HTR2C: variants seen among roughly 807,000 people sequenced by gnomAD.
The protein encoded by HTR2C is 5-hydroxytryptamine receptor 2C, also known as 5-hydroxytryptamine (serotonin) receptor 2C, G protein-coupled.
A neutral mutation model predicts 21.0 loss-of-function variants in HTR2C; 5 were observed. The ratio of observed to expected loss-of-function variants is 0.24; its 90% confidence interval spans 0.12 to 0.50. The LOEUF (loss-of-function observed/expected upper bound fraction) is 0.50, where lower values mean the gene tolerates loss of function less well. HTR2C is among the 20% of genes least tolerant of loss of function. The pLI, the probability that HTR2C is intolerant of heterozygous loss-of-function variation, is 0.98. For synonymous variants in HTR2C, 150 were observed against 145.3 expected (o/e 1.03, Z -0.23); for missense variants, 271 against 371.2 (o/e 0.73, Z 2.22).
At chrX:114,820,728 G>A (rs184394685) in intron 4 of HTR2C, among the ~76,000 whole-genome samples, 6 of 110,685 alleles carry the variant, frequency 5.4e-5, no homozygotes, top group Non-Finnish European at 7.6e-5. Context: ...CTGCTGCCAT[G>A]TAAGAAGGGC....
chrX:114,750,142 A>C (rs2069748235), intron 4 of HTR2C, among the ~76,000 whole-genome samples: 1 of 111,932 alleles, frequency 8.9e-6, no homozygotes, highest in Admixed American at 9.5e-5. Context: ...GTACCTTCAG[A>C]GGCACTGAAA....
intron 2 of HTR2C, chrX:114,652,804 C>T (rs1022537241): frequency 1.2e-4 from 28 of 243,119 alleles, no homozygotes; most frequent in African/African-American, 3.6e-4. Flanking sequence ...CACAAGTGAT[C>T]GCCATATCTG....
At chrX:114,825,516 T>C (rs1278546648) in intron 4 of HTR2C, among the ~76,000 whole-genome samples, 2 of 111,815 alleles carry the variant, frequency 1.8e-5, no homozygotes, top group Non-Finnish European at 1.9e-5. Flanking sequence ...TTTCTTCAGG[T>C]ATATTTTATG....
chrX:114,856,050 C>T (rs2070958434), intron 5 of HTR2C, among the ~76,000 whole-genome samples: 1 of 35,254 alleles, frequency 2.8e-5, no homozygotes, highest in African/African-American at 5.6e-5. Context: ...TTGCAGACGA[C>T]ATGATTGTAT....
Position 114,906,668 on chromosome X carries a change from C to T in HTR2C, c.630C>T (p.Asn210=), listed in dbSNP as rs782644122. ...TGAACAACACGACGTGCGTGCTCAA[C>T]GACCCAAATTTCGTTCTTATTGGGT... ...VFVNNTTCVL[N]DPNFVLIGSF... is the part of the protein sequence containing the mutation. The change falls in exon 6 of 6, where the codon AAC becomes AAT. Residue 210 remains asparagine, a synonymous_variant. Coordinates refer to ENST00000276198, the MANE Select transcript of HTR2C (RefSeq NM_000868.4). The T allele has an allele frequency of 1.7e-6, 2 of 1,210,720 alleles. No homozygotes were observed. Among genetic ancestry groups the T allele is most frequent in the South Asian group, 3.5e-5 (2 of 56,887 alleles).
At chrX:114,713,402 TTC>T (rs1319801122) in intron 2 of HTR2C, among the ~76,000 whole-genome samples, 7 of 111,690 alleles carry the variant, frequency 6.3e-5, no homozygotes, top group African/African-American at 2.3e-4. Flanking sequence ...TCTCATTTTT[TTC>T]TTTTTAAAAT....
At chrX:114,700,177 C>A (rs999035471) in intron 2 of HTR2C, among the ~76,000 whole-genome samples, 1 of 111,503 alleles carries the variant, frequency 9.0e-6, no homozygotes, top group Non-Finnish European at 1.9e-5. Context: ...GTAAATAGGG[C>A]TCACATACCA....
intron 1 of HTR2C, among the ~76,000 whole-genome samples, chrX:114,605,052 G>T (rs1372828256): frequency 3.6e-5 from 4 of 111,210 alleles, no homozygotes; most frequent in Non-Finnish European, 5.7e-5. Flanking sequence ...AGGGTCTAGG[G>T]CTGTAAAGCG....
At chrX:114,601,777 G>A (rs1928105869) in intron 1 of HTR2C, among the ~76,000 whole-genome samples, 1 of 104,992 alleles carries the variant, frequency 9.5e-6, no homozygotes, top group Admixed American at 1.0e-4. Flanking sequence ...TTGAAGTGTT[G>A]GGGCGGCGAA....
intron 1 of HTR2C, among the ~76,000 whole-genome samples, chrX:114,594,638 C>T (rs143685788): frequency 0.021 from 2,316 of 111,190 alleles, 62 homozygotes; most frequent in African/African-American, 0.071. Flanking sequence ...ATTTTAATTC[C>T]TATAGCTCTA....
At chrX:114,626,089 T>A (rs183716422) in intron 2 of HTR2C, among the ~76,000 whole-genome samples, 9 of 110,977 alleles carry the variant, frequency 8.1e-5, no homozygotes, top group African/African-American at 2.9e-4. Context: ...AAGGATATGG[T>A]AAGAGGCAGA....
chrX:114,618,880 T>C (rs1271800537), intron 2 of HTR2C, among the ~76,000 whole-genome samples: 1 of 96,683 alleles, frequency 1.0e-5, no homozygotes, highest in Admixed American at 1.1e-4. Context: ...AGTACAGTTG[T>C]CCACTTAGTT....
At chrX:114,713,224 C>T (rs1932918505) in intron 2 of HTR2C, among the ~76,000 whole-genome samples, 2 of 111,122 alleles carry the variant, frequency 1.8e-5, no homozygotes, top group African/African-American at 6.5e-5. Context: ...CCATTCTCTT[C>T]GTTGAATTAT....
intron 5 of HTR2C, among the ~76,000 whole-genome samples, chrX:114,890,264 G>C (rs973519051): frequency 8.9e-6 from 1 of 111,894 alleles, no homozygotes; most frequent in Non-Finnish European, 1.9e-5. Flanking sequence ...CTTTGAAAAC[G>C]TATAGTTGCA....
intron 5 of HTR2C, among the ~76,000 whole-genome samples, chrX:114,894,844 G>A (rs182797989): frequency 8.8e-4 from 97 of 109,615 alleles, no homozygotes; most frequent in African/African-American, 2.8e-3. Context: ...CCTCAGCCTC[G>A]AGTACTTGGT....
At position 114,761,902 on chromosome X, in the gene HTR2C, T is replaced by C. The variant is rs868993739; in HGVS notation, c.349+30295T>C. The stretch of plus-strand genomic sequence containing the variant: ...ATATATATATATGTGTATATATACA[T>C]ATATGTGTATATATACGTGTATATA... On this transcript the variant is annotated intron_variant, in intron 4 of 5. Transcript: ENST00000276198. Among the ~76,000 whole-genome samples, 100 of 104,307 alleles carry C rather than the reference T, an allele frequency of 9.6e-4. 1 individual carries two copies. The highest frequency in any genetic ancestry group is 5.4e-3 in the Middle Eastern group (1 of 185). The allele number at this position is 104,307 out of a possible 115,157, so 90.6% of individuals were successfully genotyped here. A position where few individuals can be genotyped will look rare whatever the true frequency, so the allele number is the denominator to read the frequency against.
At chrX:114,886,069 T>G (rs782117598) in intron 5 of HTR2C, among the ~76,000 whole-genome samples, 1 of 111,580 alleles carries the variant, frequency 9.0e-6, no homozygotes, top group South Asian at 3.7e-4. Flanking sequence ...TTGTTATACC[T>G]TTCTCATGGA....
rs782191181 is a variant in HTR2C at position 114,644,070 on chromosome X, C to T, written c.-80+30189C>T. On this transcript the variant is annotated intron_variant, in intron 2 of 5. Transcript: ENST00000276198. ...ATACATTTCTGAGAAGGGCTGCGCA[C>T]GGTGGCTCATGCTTGTAATCCCAGC... Among the ~76,000 whole-genome samples, 31 of 109,160 alleles carry T rather than the reference C, an allele frequency of 2.8e-4. No homozygotes were observed. In the South Asian group the frequency reaches 5.1e-3, roughly 18 times the overall value. The allele number at this position is 109,160 out of a possible 115,157, so 94.8% of individuals were successfully genotyped here.
At chrX:114,864,981 A>C (rs2071034691) in intron 5 of HTR2C, among the ~76,000 whole-genome samples, 1 of 106,507 alleles carries the variant, frequency 9.4e-6, no homozygotes, top group East Asian at 2.9e-4. Flanking sequence ...TGAGAAATGC[A>C]CTGATAATCT....
Sources: allele counts gnomAD v4.1 joint callset (sites outside exome capture counted in the v4.1 genomes callset), GRCh38; gene constraint gnomAD v4.1.1; transcripts MANE v1.5; gene names NCBI Gene and HGNC (gene_info 2026-07-23, HGNC 2026-07-21).